DLC1: variants seen among roughly 807,000 people sequenced by gnomAD.
DLC1 encodes rho GTPase-activating protein 7.
DLC1 carries 54 observed loss-of-function variants against 140.3 expected under a neutral mutation model. That is an observed-to-expected ratio of 0.38 (90% CI 0.31 to 0.48). DLC1 has a LOEUF of 0.48. Ranked by LOEUF, DLC1 falls within the 20% of genes least tolerant of loss-of-function variation. DLC1 has a pLI of 0.96. For synonymous variants in DLC1, 986 were observed against 728.1 expected (o/e 1.35, Z -5.70); for missense variants, 2,536 against 1,907.0 (o/e 1.33, Z -6.14).
rs144835895 is a variant in DLC1 at position 13,094,836 on chromosome 8, A to T, written c.3449T>A (p.Leu1150Gln). The T allele has an allele frequency of 6.2e-7, 1 of 1,614,250 alleles. No individual in the cohort carries two copies. Among genetic ancestry groups the T allele is most frequent in the Non-Finnish European group, 8.5e-7 (1 of 1,180,046 alleles). Reference sequence around the variant, plus strand: ...AGGAAGATCTCGAAAATACTGCTTCAGCATGTCTGCCACGTCATAAGCAGA... The same window carrying T: ...AGGAAGATCTCGAAAATACTGCTTCTGCATGTCTGCCACGTCATAAGCAGA... ...GQSAYDVADM[L>Q]KQYFRDLPEP... is the part of the protein sequence containing the mutation. The change falls in exon 12 of 18, where the codon CTG becomes CAG. Residue 1150 changes from leucine (L) to glutamine (Q), a missense_variant. Physicochemically the swap from Leu to Gln is moderately radical, Grantham distance 113. Coordinates refer to ENST00000276297, the MANE Select transcript of DLC1 (RefSeq NM_182643.3).
rs75427013 is a variant in DLC1, at chr8:13,530,358, A to T, written c.-125-30162T>A. 6.5e-3 allele frequency among the ~76,000 whole-genome samples: 992 copies of T among 152,296 alleles called. 20 individuals carry two copies. Among genetic ancestry groups the T allele is most frequent in the African/African-American group, 0.021 (881 of 41,568 alleles). On this transcript the variant is annotated intron_variant, in intron 1 of 1. Transcript: ENST00000631382. ...GAAATAAATTTACTGCTGAGTTTTT[A>T]AAAATTCCTTGAAATGCAAACCACA...
intron 1 of DLC1, among the ~76,000 whole-genome samples, chr8:13,586,758 A>G (rs1342893702): frequency 1.3e-5 from 2 of 152,122 alleles, no homozygotes; most frequent in Non-Finnish European, 2.9e-5. Flanking sequence ...ACATCAATCC[A>G]GTCAAAATAC....
chr8:13,554,773 C>T (rs1443791040), intron 1 of DLC1, among the ~76,000 whole-genome samples: 2 of 152,222 alleles, frequency 1.3e-5, no homozygotes, highest in South Asian at 2.1e-4. Context: ...TCTCATTCCA[C>T]CTCCCCACTC....
intron 4 of DLC1, among the ~76,000 whole-genome samples, chr8:13,337,106 T>TTA (rs1359276156): frequency 6.6e-6 from 1 of 152,172 alleles, no homozygotes; most frequent in African/African-American, 2.4e-5. Flanking sequence ...GACAATGCCT[T>TTA]TAGCATAGAC....
chr8:13,313,327 G>C (rs1213365283), intron 4 of DLC1, among the ~76,000 whole-genome samples: 1 of 152,162 alleles, frequency 6.6e-6, no homozygotes, highest in Non-Finnish European at 1.5e-5. Context: ...AGAAATTGAA[G>C]GCATGCTGTG....
chr8:13,227,050 G>A (rs1828825996), intron 5 of DLC1, among the ~76,000 whole-genome samples: 2 of 152,086 alleles, frequency 1.3e-5, no homozygotes, highest in South Asian at 2.1e-4. Flanking sequence ...ATAGGGGGCG[G>A]GGGCAGGGAC....
At chr8:13,413,083 A>C (rs1376947254) in intron 2 of DLC1, among the ~76,000 whole-genome samples, 1 of 151,996 alleles carries the variant, frequency 6.6e-6, no homozygotes, top group Non-Finnish European at 1.5e-5. Context: ...GCCCAACAGT[A>C]CTTGGGACCC....
chr8:13,093,067 C>T (rs1225910954), intron 12 of DLC1, among the ~76,000 whole-genome samples: 2 of 152,114 alleles, frequency 1.3e-5, no homozygotes, highest in Admixed American at 1.3e-4. Context: ...TACCCAAACA[C>T]TCTTAAATCC....
At chr8:13,232,770 A>T (rs1010822027) in intron 5 of DLC1, among the ~76,000 whole-genome samples, 1 of 152,174 alleles carries the variant, frequency 6.6e-6, no homozygotes, top group Non-Finnish European at 1.5e-5. Context: ...GGAATTTTAG[A>T]CTCAAATACA....
At position 13,145,634 on chromosome 8, in the gene DLC1, G is replaced by A. The variant is rs561050396; in HGVS notation, c.1349-29977C>T. On this transcript the variant is annotated intron_variant, in intron 5 of 17. Coordinates refer to ENST00000276297, the MANE Select transcript of DLC1 (RefSeq NM_182643.3). ...GAAATAATCCAAATGTCCATCAACT[G>A]AAGAATAGATCTTTAAAAATTGTAT... Among the ~76,000 whole-genome samples the A allele has an allele frequency of 3.3e-3, 502 of 152,234 alleles. 3 individuals are homozygous for A. The highest frequency in any genetic ancestry group is 0.01 in the Middle Eastern group (3 of 294).
At chr8:13,442,872 A>G (rs1798586679) in intron 2 of DLC1, among the ~76,000 whole-genome samples, 4 of 152,232 alleles carry the variant, frequency 2.6e-5, no homozygotes, top group Admixed American at 2.6e-4. Flanking sequence ...CAAAAGGATT[A>G]TAAATCATGC....
At chr8:13,104,346 C>T (rs1379129061) in intron 7 of DLC1, among the ~76,000 whole-genome samples, 1 of 97,854 alleles carries the variant, frequency 1.0e-5, no homozygotes, top group Non-Finnish European at 2.6e-5. Flanking sequence ...AAATAAAATA[C>T]TTACAAAAAA....
intron 4 of DLC1, among the ~76,000 whole-genome samples, chr8:13,313,785 A>C (rs1237699334): frequency 3.3e-5 from 5 of 151,986 alleles, no homozygotes; most frequent in African/African-American, 1.2e-4. Flanking sequence ...TTTGAAAAAC[A>C]TTTTTGTTTT....
rs1231773602 is a variant in DLC1, at chr8:13,401,512, G to A, written c.1131C>T (p.Ser377=). Reference sequence around the variant, plus strand: ...GGTTTGTTGGTGTGCCTGATGGAGAGGAGCTGGTGCTGAGGGCATTTTCTA... The same window carrying A: ...GGTTTGTTGGTGTGCCTGATGGAGAAGAGCTGGTGCTGAGGGCATTTTCTA... ...QDIENALSTS[S]SPSGTPTNLR... The change falls in exon 3 of 18, where the codon TCC becomes TCT. Residue 377 remains serine, a synonymous_variant. Transcript: ENST00000276297. The A allele has an allele frequency of 6.2e-7, 1 of 1,612,952 alleles. No individual in the cohort carries two copies.
At chr8:13,435,887 G>A (rs1469291596) in intron 2 of DLC1, among the ~76,000 whole-genome samples, 1 of 152,158 alleles carries the variant, frequency 6.6e-6, no homozygotes, top group Non-Finnish European at 1.5e-5. Flanking sequence ...CTTATTTTAA[G>A]AAATTGCCAT....
At chr8:13,266,161 C>T (rs1271917547) in intron 5 of DLC1, among the ~76,000 whole-genome samples, 1 of 152,160 alleles carries the variant, frequency 6.6e-6, no homozygotes, top group African/African-American at 2.4e-5. Flanking sequence ...AACTCTTGTA[C>T]ATAAATTGGA....
chr8:13,461,652 A>T (rs1799664494), intron 2 of DLC1, among the ~76,000 whole-genome samples: 1 of 152,104 alleles, frequency 6.6e-6, no homozygotes, highest in African/African-American at 2.4e-5. Flanking sequence ...ATTAGTTTCA[A>T]ATTATGCTTG....
chr8:13,565,580 T>C (rs1804398375), intron 1 of DLC1, among the ~76,000 whole-genome samples: 1 of 152,204 alleles, frequency 6.6e-6, no homozygotes, highest in Non-Finnish European at 1.5e-5. Flanking sequence ...AGCTGGCTCA[T>C]ATACTTGAGA....
At chr8:13,170,974 C>G (rs1825436188) in intron 5 of DLC1, among the ~76,000 whole-genome samples, 2 of 151,974 alleles carry the variant, frequency 1.3e-5, no homozygotes, top group Non-Finnish European at 2.9e-5. Context: ...TGAGGGTCAC[C>G]AAAGCTCTGT....
Sources: gnomAD v4.1 joint callset for allele counts (sites outside exome capture counted in the v4.1 genomes callset) on GRCh38, gnomAD v4.1.1 for gene constraint, MANE v1.5 for transcripts, NCBI Gene and HGNC (gene_info 2026-07-23, HGNC 2026-07-21) for gene names.